Variants in PHIP observed in about 807,000 individuals in gnomAD.
The protein encoded by PHIP is PHIP subunit of CUL4-Ring ligase complex.
PHIP carries 54 observed loss-of-function variants against 236.8 expected under a neutral mutation model. The observed-to-expected ratio is 0.23, with a 90% CI of 0.18 to 0.29. PHIP has a LOEUF of 0.29. Among genes scored for constraint, PHIP ranks in the 10% least tolerant of loss-of-function variants. PHIP has a pLI of 1.00. For synonymous variants in PHIP, 756 were observed against 718.9 expected, an observed-to-expected ratio of 1.05 and a Z score of -0.83; for missense variants, 1,370 against 2,190.8, an observed-to-expected ratio of 0.63 and a Z score of 7.48.
chr6:78,982,100 G>A (rs1240962053), intron 23 of PHIP, among the ~76,000 whole-genome samples: 2 of 151,884 alleles, frequency 1.3e-5, no homozygotes, highest in East Asian at 3.9e-4. Context: ...AATGGCAGAG[G>A]TTACAAAAAA....
chr6:78,949,171 C>A (rs1240107036), intron 35 of PHIP, among the ~76,000 whole-genome samples: 3 of 152,004 alleles, frequency 2.0e-5, no homozygotes, highest in Non-Finnish European at 4.4e-5. Flanking sequence ...TTCCTTTGTT[C>A]CCGGTTTTCT....
intron 24 of PHIP, among the ~76,000 whole-genome samples, chr6:78,977,987 C>G (rs1429117636): frequency 6.6e-6 from 1 of 152,048 alleles, no homozygotes; most frequent in Admixed American, 6.6e-5. Flanking sequence ...ATAACACTGC[C>G]TCTTAAAATT....
chr6:78,994,615 G>A (rs1769493415), intron 19 of PHIP, among the ~76,000 whole-genome samples: 1 of 151,932 alleles, frequency 6.6e-6, no homozygotes. Context: ...ACCTAATAAA[G>A]CAATGGCAGG....
At chr6:79,077,107 C>T (rs1774206015) in intron 4 of PHIP, among the ~76,000 whole-genome samples, 2 of 152,026 alleles carry the variant, frequency 1.3e-5, no homozygotes, top group African/African-American at 4.8e-5. Context: ...GCGCCGCTCC[C>T]GCCGCCGCCG....
intron 39 of PHIP, 106 bp downstream of exon 39, chr6:78,945,194 C>CT: frequency 1.2e-6 from 1 of 813,814 alleles, no homozygotes; most frequent in South Asian, 1.6e-5. Context: ...AGATGTGTGA[C>CT]TTTTAAGTGG....
At chr6:79,033,700 A>G (rs1401367509) in intron 7 of PHIP, among the ~76,000 whole-genome samples, 2 of 152,166 alleles carry the variant, frequency 1.3e-5, no homozygotes, top group Non-Finnish European at 2.9e-5. Context: ...ATCAGCAATG[A>G]GCTCTTTAAC....
intron 39 of PHIP, among the ~76,000 whole-genome samples, chr6:78,942,513 A>C (rs539041641): frequency 2.0e-5 from 3 of 152,208 alleles, no homozygotes; most frequent in African/African-American, 7.2e-5. Flanking sequence ...ACAAAACAAC[A>C]TGGTTAAGAG....
chr6:79,060,396 C>T, intron 6 of PHIP, 82 bp downstream of exon 6: 1 of 866,918 alleles, frequency 1.2e-6, no homozygotes, highest in South Asian at 1.8e-5. Context: ...TTCTCTAATA[C>T]CACAGTAACT....
Position 78,940,954 on chromosome 6 carries a change from G to C in PHIP, c.5205C>G (p.Val1735=). The change falls in exon 40 of 40, where the codon GTC becomes GTG. Residue 1735 remains valine, a synonymous_variant. Coordinates refer to ENST00000275034, the MANE Select transcript of PHIP (RefSeq NM_017934.7). ...TTCGGTTACTTCTCCTTAACACTTT[G>C]ACACTTGCAGGGACTAGGAGATCTG... ...LDADLLVPAS[V]KVLRRSNRKK... The C allele has an allele frequency of 6.2e-7, 1 of 1,613,878 alleles. No individual in the cohort carries two copies. The highest frequency in any genetic ancestry group is 8.5e-7 in the Non-Finnish European group (1 of 1,179,906).
At chr6:79,056,595 G>A (rs755260233) in intron 6 of PHIP, among the ~76,000 whole-genome samples, 17 of 152,210 alleles carry the variant, frequency 1.1e-4, no homozygotes, top group Middle Eastern at 6.8e-3. Flanking sequence ...AGGGGGTAGT[G>A]GGGATGCTAC....
At chr6:79,044,503 A>G (rs1448354028) in intron 6 of PHIP, among the ~76,000 whole-genome samples, 2 of 152,194 alleles carry the variant, frequency 1.3e-5, no homozygotes, top group Admixed American at 1.3e-4. Flanking sequence ...CACAAAAACC[A>G]TAGACATCAA....
chr6:79,004,047 AAAG>A (rs1770153994), intron 15 of PHIP, among the ~76,000 whole-genome samples, 189 bp from the exon 16 acceptor site: 1 of 152,110 alleles, frequency 6.6e-6, no homozygotes, highest in Non-Finnish European at 1.5e-5. Flanking sequence ...CTTGAAAAAT[AAAG>A]TATTCTATCC....
chr6:79,003,739 T>C lies in PHIP; in HGVS notation c.1644A>G (p.Lys548=), dbSNP rs1562171146. ...AGTCATCATACTCTACCTTGTCATATTTGCTACTGGACCCAAAGCCAAAAA... is the reference window on the plus strand; with the variant it reads ...AGTCATCATACTCTACCTTGTCATACTTGCTACTGGACCCAAAGCCAAAAA... The part of the protein sequence containing the change: ...LLIFGFGSSS[K]YDKIADQMFF... The change falls in exon 16 of 40, where the codon AAA becomes AAG. Residue 548 remains lysine, a synonymous_variant. Transcript: ENST00000275034. 1.2e-6 allele frequency: 2 copies of C among 1,604,404 alleles called. No individual in the cohort carries two copies. The highest frequency in any genetic ancestry group is 1.7e-6 in the Non-Finnish European group (2 of 1,176,104).
intron 31 of PHIP, among the ~76,000 whole-genome samples, chr6:78,960,721 C>G (rs909817045): frequency 6.6e-6 from 1 of 152,028 alleles, no homozygotes; most frequent in South Asian, 2.1e-4. Flanking sequence ...GTGACAATGT[C>G]TGAACACATT....
rs76489158 is a variant in PHIP at position 79,030,083 on chromosome 6, T to C, written c.601-3919A>G. On this transcript the variant is annotated intron_variant, in intron 7 of 39. Coordinates refer to ENST00000275034, the MANE Select transcript of PHIP (RefSeq NM_017934.7). ...TGAAAAGGGGCAATGACATAAGATA[T>C]ACCTCTTCTAAGGTGTATGAAAGAA... 2.5e-3 allele frequency among the ~76,000 whole-genome samples: 374 copies of C among 152,264 alleles called. 8 individuals carry two copies. The East Asian group carries it at 0.062, about 25-fold the overall frequency.
In PHIP at chr6:78,954,836, G is replaced by A. The variant is rs1290635325; in HGVS notation, c.4031C>T (p.Pro1344Leu). The change falls in exon 35 of 40, where the codon CCG becomes CTG. Residue 1344 changes from proline (P) to leucine (L), a missense_variant. This residue lies in a region of PHIP where 125 missense variants were observed against 235.1 expected (regional missense o/e 0.53). Transcript: ENST00000275034. Reference sequence around the variant, plus strand: ...TACTGGATATTCAAGGAGATCTACCGGCTGACGGAAAGGCTCTGAATCTTC... The same window carrying A: ...TACTGGATATTCAAGGAGATCTACCAGCTGACGGAAAGGCTCTGAATCTTC... ...QCEDSEPFRQ[P>L]VDLLEYPDYR... 1 of 1,579,682 alleles carries A rather than the reference G, an allele frequency of 6.3e-7. No individual in the cohort carries two copies. Among genetic ancestry groups the A allele is most frequent in the Non-Finnish European group, 8.6e-7 (1 of 1,168,574 alleles).
chr6:78,998,332 T>C lies in PHIP; in HGVS notation c.1939A>G (p.Ile647Val). The C allele has an allele frequency of 1.2e-6, 2 of 1,613,696 alleles. No individual in the cohort carries two copies. The highest frequency in any genetic ancestry group is 1.7e-6 in the Non-Finnish European group (2 of 1,179,640). The change falls in exon 18 of 40, where the codon ATT (isoleucine) becomes GTT (valine). Residue 647 changes from isoleucine to valine, a missense_variant. Around this residue, in one of 14 missense-constraint regions of PHIP, gnomAD observed 133 missense variants for 245.2 expected, o/e 0.54. Coordinates refer to ENST00000275034, the MANE Select transcript of PHIP (RefSeq NM_017934.7). ...NQEISPLDSM[I>V]QRLQQEQDLR... ...TCTTGCTCCTGTTGTAGTCTTTGAATCATGCTGTCCAGTGGGCTGATCTCC... is the reference window on the plus strand; with the variant it reads ...TCTTGCTCCTGTTGTAGTCTTTGAACCATGCTGTCCAGTGGGCTGATCTCC...
At chr6:78,979,122 G>A (rs1221024710) in intron 23 of PHIP, among the ~76,000 whole-genome samples, 1 of 152,054 alleles carries the variant, frequency 6.6e-6, no homozygotes, top group Non-Finnish European at 1.5e-5. Flanking sequence ...CCTGGATTTT[G>A]TTATCTGCAG....
In PHIP at chr6:78,944,043, A is replaced by C. The variant is rs9443629; in HGVS notation, c.4828+1257T>G. 5.2e-3 allele frequency among the ~76,000 whole-genome samples: 776 copies of C among 149,878 alleles called. 11 individuals are homozygous for C. Among genetic ancestry groups the C allele is most frequent in the African/African-American group, 0.018 (735 of 41,048 alleles). ...GTGCTTGATTCTATCTAAAGAAGCC[A>C]GGAGAAGACTTCCTAAAGAAGACGA... On this transcript the variant is annotated intron_variant, in intron 39 of 39. Coordinates refer to ENST00000275034, the MANE Select transcript of PHIP (RefSeq NM_017934.7).
Sources: allele counts gnomAD v4.1 joint callset (sites outside exome capture counted in the v4.1 genomes callset), GRCh38; gene constraint gnomAD v4.1.1; regional missense constraint gnomAD v4.1.1; transcripts MANE v1.5; gene names NCBI Gene and HGNC (gene_info 2026-07-23, HGNC 2026-07-21).